CFAP47: variants seen among roughly 807,000 people sequenced by gnomAD.
CFAP47 encodes the protein cilia- and flagella-associated protein 47.
A neutral mutation model predicts 148.1 loss-of-function variants in CFAP47; 29 were observed. The ratio of observed to expected loss-of-function variants is 0.20; its 90% CI spans 0.15 to 0.27. The LOEUF (loss-of-function observed/expected upper bound fraction) is 0.27. Among genes scored for constraint, CFAP47 ranks in the 10% least tolerant of loss-of-function variants. The pLI, the probability that CFAP47 is intolerant of heterozygous loss-of-function variation, is 1.00. For synonymous variants in CFAP47, 664 were observed against 577.3 expected (o/e 1.15, Z -2.15); for missense variants, 1,872 against 1,697.5 (o/e 1.10, Z -1.81).
intron 15 of CFAP47, among the ~76,000 whole-genome samples, chrX:35,984,326 A>G (rs746331565): frequency 9.0e-6 from 1 of 110,993 alleles, no homozygotes; most frequent in Non-Finnish European, 1.9e-5. Flanking sequence ...TTTGGATTGC[A>G]TCCATTTGGA....
chrX:36,121,503 G>GTT (rs1468307006), intron 33 of CFAP47, among the ~76,000 whole-genome samples: 12 of 110,514 alleles, frequency 1.1e-4, no homozygotes, highest in Non-Finnish European at 2.1e-4. Context: ...ATGATTTAGT[G>GTT]TTTTGCTTTA....
chrX:36,163,898 C>T (rs899820164), intron 39 of CFAP47, among the ~76,000 whole-genome samples: 2 of 112,002 alleles, frequency 1.8e-5, no homozygotes, highest in Admixed American at 1.9e-4. Context: ...GCATGAGCCA[C>T]CATGCCCAGT....
At chrX:36,368,692 A>T (rs1203336561) in intron 62 of CFAP47, among the ~76,000 whole-genome samples, 1 of 111,531 alleles carries the variant, frequency 9.0e-6, no homozygotes, top group African/African-American at 3.3e-5. Flanking sequence ...TTTTAGCTAT[A>T]TATTTTTGTT....
At position 36,071,880 on chromosome X, in the gene CFAP47, T is replaced by A. The variant is rs776010504; in HGVS notation, c.4374T>A (p.Asp1458Glu). The A allele has an allele frequency of 4.2e-6, 5 of 1,202,004 alleles. No individual in the cohort carries two copies. The highest frequency in any genetic ancestry group is 2.3e-4 in the Middle Eastern group (1 of 4,328). The stretch of plus-strand genomic sequence containing the variant: ...ATGGTGTTTTGCCTCCCTACCAGGA[T>A]GCTAAACCACCCTCTCCTGCTTCAA... ...TRDGVLPPYQ[D>E]AKPPSPASIK... is the part of the protein sequence containing the mutation. The change falls in exon 28 of 64, where the codon GAT (aspartate) becomes GAA (glutamate). Residue 1458 changes from aspartate (D) to glutamate (E), a missense_variant. By Grantham distance (45) the Asp-to-Glu change is conservative. Coordinates refer to ENST00000378653, the MANE Select transcript of CFAP47 (RefSeq NM_001304548.2).
chrX:36,085,491 G>T lies in CFAP47; in HGVS notation c.4869G>T (p.Arg1623Ser), dbSNP rs749989250. ...TACCTGTAGATAACCATGAAAAAAGGGTAATTCAACTCCATTTGCAACATT... is the reference window on the plus strand; with the variant it reads ...TACCTGTAGATAACCATGAAAAAAGTGTAATTCAACTCCATTTGCAACATT... ...QSLPVDNHEKRVIQLHLQHSS... is the reference protein window; with the variant it reads ...QSLPVDNHEKSVIQLHLQHSS... The change falls in exon 30 of 64, where the codon AGG becomes AGT. Residue 1623 changes from arginine (R) to serine (S), a missense_variant. Arg to Ser is a moderately radical substitution (Grantham distance 110, BLOSUM62 -1). Coordinates refer to ENST00000378653, the MANE Select transcript of CFAP47 (RefSeq NM_001304548.2). 8.3e-7 allele frequency: 1 copy of T among 1,203,782 alleles called. No homozygotes were observed. The highest frequency in any genetic ancestry group is 1.1e-6 in the Non-Finnish European group (1 of 891,573).
At chrX:36,276,548 A>G (rs1285207261) in intron 49 of CFAP47, among the ~76,000 whole-genome samples, 1 of 111,865 alleles carries the variant, frequency 8.9e-6, no homozygotes, top group Non-Finnish European at 1.9e-5. Context: ...TCTACCTTTA[A>G]TGCATTCTAA....
At chrX:36,289,336 T>C (rs1941170049) in intron 51 of CFAP47, among the ~76,000 whole-genome samples, 1 of 111,249 alleles carries the variant, frequency 9.0e-6, no homozygotes, top group Non-Finnish European at 1.9e-5. Context: ...TATTTTTCTA[T>C]AGGAAAGATC....
intron 35 of CFAP47, among the ~76,000 whole-genome samples, chrX:36,139,594 C>T (rs1939105645): frequency 9.0e-6 from 1 of 111,432 alleles, no homozygotes; most frequent in East Asian, 2.8e-4. Context: ...TAATTACTTT[C>T]TCTACTCTTA....
At chrX:35,955,713 G>T (rs1445431981) in intron 7 of CFAP47, among the ~76,000 whole-genome samples, 1 of 111,937 alleles carries the variant, frequency 8.9e-6, no homozygotes, top group Admixed American at 9.5e-5. Flanking sequence ...AACATTATTT[G>T]GTTGATTATT....
intron 57 of CFAP47, among the ~76,000 whole-genome samples, chrX:36,324,321 TA>T (rs1167256593): frequency 1.8e-5 from 2 of 111,580 alleles, no homozygotes; most frequent in African/African-American, 6.5e-5. Flanking sequence ...GACTAACATT[TA>T]AAAAAAGTTG....
chrX:36,233,560 C>T (rs1389547050), intron 46 of CFAP47, among the ~76,000 whole-genome samples: 2 of 111,623 alleles, frequency 1.8e-5, no homozygotes, highest in Admixed American at 9.5e-5. Context: ...GGTCTTGACT[C>T]TTTATCCAAT....
At chrX:36,338,814 A>T (rs1465081249) in intron 57 of CFAP47, among the ~76,000 whole-genome samples, 1 of 111,851 alleles carries the variant, frequency 8.9e-6, no homozygotes, top group Non-Finnish European at 1.9e-5. Flanking sequence ...CCCCCTACAG[A>T]TATCTATGAG....
chrX:36,003,802 G>C (rs1188559318), intron 21 of CFAP47, among the ~76,000 whole-genome samples: 2 of 108,210 alleles, frequency 1.8e-5, no homozygotes, highest in Admixed American at 2.0e-4. Context: ...AAAAATAAAG[G>C]GCATCTAAAT....
At chrX:36,088,064 A>G (rs1938119515) in intron 30 of CFAP47, among the ~76,000 whole-genome samples, 1 of 111,296 alleles carries the variant, frequency 9.0e-6, no homozygotes, top group Non-Finnish European at 1.9e-5. Context: ...TCTTATAAAG[A>G]CACAAGCCAA....
chrX:35,942,094 A>C (rs1936018881), intron 3 of CFAP47, among the ~76,000 whole-genome samples: 1 of 110,534 alleles, frequency 9.0e-6, no homozygotes, highest in African/African-American at 3.3e-5. Context: ...GATAGCATAC[A>C]ATAAGCATAG....
intron 21 of CFAP47, among the ~76,000 whole-genome samples, chrX:36,014,423 AGTTT>A (rs1358023916): frequency 9.0e-6 from 1 of 111,433 alleles, no homozygotes; most frequent in Non-Finnish European, 1.9e-5. Flanking sequence ...TTCAATAGAT[AGTTT>A]AATAGATGGT....
intron 29 of CFAP47, among the ~76,000 whole-genome samples, chrX:36,078,452 A>G (rs1354456827): frequency 4.5e-5 from 5 of 111,088 alleles, no homozygotes; most frequent in Admixed American, 3.8e-4. Context: ...CTTTACCATT[A>G]TGTAATGGCC....
chrX:36,347,791 G>C (rs1941710866), intron 57 of CFAP47, among the ~76,000 whole-genome samples: 1 of 110,112 alleles, frequency 9.1e-6, no homozygotes, highest in Admixed American at 9.7e-5. Context: ...GGGGTGGGGG[G>C]CTAGGGGAGG....
At chrX:36,086,429 AT>A (rs779138666) in intron 30 of CFAP47, among the ~76,000 whole-genome samples, 1 of 111,564 alleles carries the variant, frequency 9.0e-6, no homozygotes, top group South Asian at 3.7e-4. Flanking sequence ...TGGTTAATAT[AT>A]TTTTAGATGT....
Sources: allele counts gnomAD v4.1 joint callset (sites outside exome capture counted in the v4.1 genomes callset), GRCh38; gene constraint gnomAD v4.1.1; transcripts MANE v1.5; gene names NCBI Gene and HGNC (gene_info 2026-07-23, HGNC 2026-07-21).